Variants in MANSC4 observed in about 807,000 individuals in gnomAD.
MANSC4 encodes MANSC domain containing 4, also known as MANSC domain-containing protein 4.
MANSC4 carries 11 observed loss-of-function variants against 11.4 expected under a neutral mutation model. The ratio of observed to expected loss-of-function variants is 0.97; its 90% confidence interval spans 0.61 to 1.60. MANSC4 has a LOEUF of 1.60. Ranked by LOEUF, MANSC4 falls within the 40% of genes most tolerant of loss-of-function variation. MANSC4 has a pLI of 0.00. For missense variants in MANSC4, 354 were observed against 404.6 expected (o/e 0.88, Z 1.07); for synonymous variants, 123 against 147.1 (o/e 0.84, Z 1.19).
intron 1 of MANSC4, among the ~76,000 whole-genome samples, chr12:27,776,586 C>T (rs531782149): frequency 2.6e-5 from 4 of 151,932 alleles, no homozygotes; most frequent in South Asian, 4.2e-4. Context: ...AAGAATTAAC[C>T]GGGCATAGTG....
chr12:27,765,117 G>A (rs1043886814), intron 3 of MANSC4, among the ~76,000 whole-genome samples: 3 of 152,134 alleles, frequency 2.0e-5, no homozygotes, highest in African/African-American at 4.8e-5. Context: ...AATTACAGGC[G>A]TGAGCCACTG....
intron 1 of MANSC4, among the ~76,000 whole-genome samples, chr12:27,771,931 C>T (rs57641912): frequency 0.029 from 4,408 of 151,910 alleles, 190 homozygotes; most frequent in African/African-American, 0.1. Context: ...GTAATCTCAA[C>T]ACTTTGGGAG....
At chr12:27,772,335 AAGAG>A (rs1181094874) in intron 1 of MANSC4, among the ~76,000 whole-genome samples, 2 of 152,234 alleles carry the variant, frequency 1.3e-5, no homozygotes, top group Non-Finnish European at 2.9e-5. Context: ...CTTCTAAAAA[AAGAG>A]AAACTTTCTA....
At chr12:27,769,069 A>G (rs1445706884) in intron 2 of MANSC4, among the ~76,000 whole-genome samples, 2 of 152,196 alleles carry the variant, frequency 1.3e-5, no homozygotes, top group Non-Finnish European at 2.9e-5. Flanking sequence ...GTTAATCTCC[A>G]TCATTACTTC....
chr12:27,766,724 G>A lies in MANSC4; in HGVS notation c.305C>T (p.Thr102Ile). 6.4e-7 allele frequency: 1 copy of A among 1,551,644 alleles called. No individual in the cohort carries two copies. The highest frequency in any genetic ancestry group is 8.7e-7 in the Non-Finnish European group (1 of 1,146,916). Residue 102 changes from threonine to isoleucine, a missense_variant, in exon 3 of 4, where the codon ACA (threonine) becomes ATA (isoleucine). Transcript: ENST00000381273. ...AGGCTCTAATATGCAGCTCTCCAGT[G>A]TTGGGCAGTGAACATGGAGGCAGTT... is the stretch of plus-strand genomic sequence containing the variant. ...NINCLHVHCP[T>I]LESCILEPGT...
chr12:27,763,798 T>TAG (rs2062059275), intron 3 of MANSC4, among the ~76,000 whole-genome samples: 1 of 152,126 alleles, frequency 6.6e-6, no homozygotes, highest in South Asian at 2.1e-4. Flanking sequence ...TGGTATGGTC[T>TAG]CAGCTCACTG....
chr12:27,768,074 C>T (rs1328372504), intron 2 of MANSC4, among the ~76,000 whole-genome samples: 7 of 152,128 alleles, frequency 4.6e-5, no homozygotes, highest in Non-Finnish European at 8.8e-5. Flanking sequence ...CTCATGCTGT[C>T]TTTCCTTTTC....
chr12:27,771,058 A>C lies in MANSC4; in HGVS notation c.219T>G (p.Leu73=). ...ATCATGAATACTTACCATCCTTCCG[A>C]AGACAGCAGCTCCTACTGCACTTCT... is the stretch of plus-strand genomic sequence containing the variant. ...TGQKCSRSCC[L]RKDVSCNLAV... is the part of the protein sequence containing the mutation. The change falls in exon 2 of 4, where the codon CTT becomes CTG. Residue 73 remains leucine (L), a synonymous_variant. Coordinates refer to ENST00000381273, the MANE Select transcript of MANSC4 (RefSeq NM_001146221.5). 1 of 1,550,154 alleles carries C rather than the reference A, an allele frequency of 6.5e-7. No homozygotes were observed. Among genetic ancestry groups the C allele is most frequent in the African/African-American group, 1.4e-5 (1 of 72,978 alleles).
At chr12:27,774,175 A>G (rs896789750) in intron 1 of MANSC4, among the ~76,000 whole-genome samples, 1 of 152,116 alleles carries the variant, frequency 6.6e-6, no homozygotes, top group Non-Finnish European at 1.5e-5. Flanking sequence ...AAACAAAAAA[A>G]AAACCCCAGA....
At chr12:27,764,780 C>T (rs958161603) in intron 3 of MANSC4, among the ~76,000 whole-genome samples, 1 of 152,132 alleles carries the variant, frequency 6.6e-6, no homozygotes, top group Non-Finnish European at 1.5e-5. Context: ...AAATCATTAC[C>T]TCTGCCTCCT....
intron 1 of MANSC4, among the ~76,000 whole-genome samples, chr12:27,775,453 T>C (rs1024514794): frequency 1.3e-5 from 2 of 152,112 alleles, no homozygotes; most frequent in Non-Finnish European, 2.9e-5. Flanking sequence ...GTGGGGCCCA[T>C]GAGGTTGAGG....
At chr12:27,764,267 C>G (rs992795345) in intron 3 of MANSC4, among the ~76,000 whole-genome samples, 1 of 152,116 alleles carries the variant, frequency 6.6e-6, no homozygotes, top group Non-Finnish European at 1.5e-5. Context: ...TCCAATGGTC[C>G]CTGCTGGTGA....
intron 3 of MANSC4, among the ~76,000 whole-genome samples, chr12:27,765,008 A>AT (rs1260839112): frequency 7.3e-5 from 11 of 151,568 alleles, no homozygotes; most frequent in African/African-American, 1.7e-4. Context: ...TGCCTGGCTA[A>AT]TTTTTTTTGT....
chr12:27,775,251 A>T (rs927559227), intron 1 of MANSC4, among the ~76,000 whole-genome samples: 1 of 151,944 alleles, frequency 6.6e-6, no homozygotes, highest in African/African-American at 2.4e-5. Context: ...TTTTGGTTTC[A>T]TCTGTTGGGG....
intron 1 of MANSC4, among the ~76,000 whole-genome samples, chr12:27,778,886 C>G (rs376861051): frequency 1.1e-3 from 175 of 152,194 alleles, no homozygotes; most frequent in African/African-American, 4.1e-3. Flanking sequence ...CTCTCTTTTC[C>G]GAGACGGCGT....
chr12:27,765,681 A>C (rs1382274845), intron 3 of MANSC4, among the ~76,000 whole-genome samples: 5 of 152,196 alleles, frequency 3.3e-5, no homozygotes, highest in Non-Finnish European at 7.4e-5. Flanking sequence ...GATTTGTCAC[A>C]TCATCTAGAT....
At chr12:27,775,242 T>G (rs1467923450) in intron 1 of MANSC4, among the ~76,000 whole-genome samples, 1 of 152,056 alleles carries the variant, frequency 6.6e-6, no homozygotes, top group Non-Finnish European at 1.5e-5. Context: ...GTAACTCCAT[T>G]TTGGTTTCAT....
At chr12:27,770,415 G>A (rs10771363) in intron 2 of MANSC4, among the ~76,000 whole-genome samples, 60,641 of 150,292 alleles carry the variant, frequency 0.4, 12,345 homozygotes, top group Admixed American at 0.51. Context: ...TCCTGACCTC[G>A]AGTGATCCAC....
At chr12:27,777,886 T>C (rs948123700) in intron 1 of MANSC4, among the ~76,000 whole-genome samples, 2 of 152,154 alleles carry the variant, frequency 1.3e-5, no homozygotes, top group East Asian at 3.9e-4. Context: ...GTTTGAGGTC[T>C]GTCTTGGGCA....
Sources: gnomAD v4.1 joint callset for allele counts (sites outside exome capture counted in the v4.1 genomes callset) on GRCh38, gnomAD v4.1.1 for gene constraint, MANE v1.5 for transcripts, NCBI Gene and HGNC (gene_info 2026-07-23, HGNC 2026-07-21) for gene names.